Variants in C1orf21 observed in about 807,000 individuals in gnomAD.
C1orf21 encodes chromosome 1 open reading frame 21, also known as uncharacterized protein C1orf21.
Under a neutral mutation model 18.7 loss-of-function variants are expected in C1orf21, and 3 were observed. The ratio of observed to expected loss-of-function variants is 0.16; its 90% CI spans 0.07 to 0.42. The LOEUF (loss-of-function observed/expected upper bound fraction) is 0.42, where lower values mean the gene tolerates loss of function less well. Among genes scored for constraint, C1orf21 ranks in the 10% least tolerant of loss-of-function variants. C1orf21 has a pLI of 0.99. For synonymous variants in C1orf21, 41 were observed against 46.4 expected (o/e 0.88, Z 0.47); for missense variants, 104 against 143.6 (o/e 0.72, Z 1.41).
At chr1:184,601,365 CA>C (rs1399150479) in intron 5 of C1orf21, among the ~76,000 whole-genome samples, 2 of 151,956 alleles carry the variant, frequency 1.3e-5, no homozygotes, top group Non-Finnish European at 2.9e-5. Context: ...TATTGGATAC[CA>C]AAAAACAAAT....
chr1:184,397,818 G>A (rs756117411), intron 1 of C1orf21, among the ~76,000 whole-genome samples: 13 of 152,148 alleles, frequency 8.5e-5, no homozygotes, highest in African/African-American at 1.9e-4. Flanking sequence ...AAGTGTGTGC[G>A]TTAATTTGTA....
chr1:184,533,583 AT>A (rs775697685), intron 3 of C1orf21, among the ~76,000 whole-genome samples: 15 of 152,184 alleles, frequency 9.9e-5, no homozygotes, highest in East Asian at 5.8e-4. Flanking sequence ...TTCCGACATG[AT>A]TTTTTTTCAG....
intron 5 of C1orf21, among the ~76,000 whole-genome samples, chr1:184,616,510 G>A (rs980775112): frequency 1.3e-5 from 2 of 152,232 alleles, no homozygotes; most frequent in Non-Finnish European, 2.9e-5. Flanking sequence ...GCAGAGTCCT[G>A]TGTTTACAAA....
intron 5 of C1orf21, among the ~76,000 whole-genome samples, chr1:184,617,998 C>G (rs12409806): frequency 0.17 from 26,075 of 150,652 alleles, 2,513 homozygotes; most frequent in East Asian, 0.33. Flanking sequence ...CAATCTCTGC[C>G]TCCCAGGTTC....
At chr1:184,449,590 G>A (rs1317793466) in intron 1 of C1orf21, among the ~76,000 whole-genome samples, 1 of 152,074 alleles carries the variant, frequency 6.6e-6, no homozygotes, top group African/African-American at 2.4e-5. Flanking sequence ...GGGTCAAATG[G>A]TATTTCTAGT....
chr1:184,436,505 C>T (rs558710633), intron 1 of C1orf21, among the ~76,000 whole-genome samples: 30 of 151,960 alleles, frequency 2.0e-4, no homozygotes, highest in African/African-American at 7.0e-4. Flanking sequence ...GGCAGAGTGG[C>T]ATTGGAACCC....
rs918202974 is a variant in C1orf21 at position 184,623,284 on chromosome 1, C to T, written c.*3728C>T. ...AATACTGAGTTGGAATCTTAGACTT[C>T]GGGACTCTGACACGTTCTTTATGAA... On this transcript the variant is annotated 3_prime_UTR_variant, in exon 6 of 6. Transcript: ENST00000235307. 4.6e-5 allele frequency: 7 copies of T among 152,146 alleles called. No individual in the cohort carries two copies. Among genetic ancestry groups the T allele is most frequent in the Middle Eastern group, 3.2e-3 (1 of 316 alleles). 9.4% of individuals were successfully genotyped at this position (152,146 alleles called of 1,614,324 possible).
chr1:184,435,489 A>G lies in C1orf21; in HGVS notation c.-124-41897A>G, dbSNP rs549449791. ...CTCCCGAGTAGCTGGGATTACAGAC[A>G]TGCACCACCATGCCCAGCTAATTTT... On this transcript the variant is annotated intron_variant, in intron 1 of 5. Transcript: ENST00000235307. Among the ~76,000 whole-genome samples, 32 of 152,228 alleles carry G rather than the reference A, an allele frequency of 2.1e-4. No homozygotes were observed. In the South Asian group the frequency reaches 6.2e-3, roughly 30 times the overall value.
intron 2 of C1orf21, among the ~76,000 whole-genome samples, chr1:184,491,250 TAAG>T (rs909395764): frequency 7.9e-5 from 12 of 152,232 alleles, no homozygotes; most frequent in Non-Finnish European, 1.3e-4. Flanking sequence ...CTTTTTTTAA[TAAG>T]AAGAATAAAA....
chr1:184,593,932 CTG>C (rs1157030449), intron 4 of C1orf21, among the ~76,000 whole-genome samples: 2 of 152,272 alleles, frequency 1.3e-5, no homozygotes, highest in African/African-American at 2.4e-5. Context: ...CTGAAATAAT[CTG>C]TCTTTTAAAG....
At chr1:184,609,690 C>CA (rs1659699306) in intron 5 of C1orf21, among the ~76,000 whole-genome samples, 2 of 151,862 alleles carry the variant, frequency 1.3e-5, no homozygotes, top group Admixed American at 6.6e-5. Context: ...AAATCTTCCA[C>CA]AAAAAAATTC....
At chr1:184,477,324 T>C in intron 1 of C1orf21, 62 bp from the exon 2 acceptor site, 5 of 575,004 alleles carry the variant, frequency 8.7e-6, no homozygotes, top group South Asian at 8.2e-5. Flanking sequence ...CACACCAACA[T>C]AGTGAGGCTT....
intron 1 of C1orf21, among the ~76,000 whole-genome samples, chr1:184,419,195 C>T (rs1656507531): frequency 1.3e-5 from 2 of 152,172 alleles, no homozygotes; most frequent in Admixed American, 6.5e-5. Context: ...CTTTCCAAGC[C>T]TCTGTTTCCT....
rs558373181 is a variant in C1orf21 at position 184,480,732 on chromosome 1, G to A, written c.94+3129G>A. On this transcript the variant is annotated intron_variant, in intron 2 of 5. Coordinates refer to ENST00000235307, the MANE Select transcript of C1orf21 (RefSeq NM_030806.4). ...AAGAGGTACAGGCTCCTGCCTTTAA[G>A]AGCACTGTTTTGCTTTTGGGGCAGA... Among the ~76,000 whole-genome samples, 111 of 152,262 alleles carry A rather than the reference G, an allele frequency of 7.3e-4. 2 individuals are homozygous for A. The highest frequency in any genetic ancestry group is 1.4e-3 in the Admixed American group (21 of 15,288).
chr1:184,557,386 T>C (rs916624428), intron 3 of C1orf21, among the ~76,000 whole-genome samples: 1 of 152,130 alleles, frequency 6.6e-6, no homozygotes, highest in East Asian at 1.9e-4. Flanking sequence ...GTGTAGTCTT[T>C]TATTCCTCGC....
At chr1:184,430,932 T>C (rs1171534611) in intron 1 of C1orf21, among the ~76,000 whole-genome samples, 1 of 152,196 alleles carries the variant, frequency 6.6e-6, no homozygotes, top group East Asian at 1.9e-4. Flanking sequence ...GGAATGTTTT[T>C]CCATTTGTTT....
chr1:184,439,753 C>T (rs1252673903), intron 1 of C1orf21, among the ~76,000 whole-genome samples: 2 of 152,070 alleles, frequency 1.3e-5, no homozygotes, highest in African/African-American at 2.4e-5. Flanking sequence ...GAGTTCAAGA[C>T]CACCCTGGGC....
intron 1 of C1orf21, among the ~76,000 whole-genome samples, chr1:184,421,097 G>A (rs541565587): frequency 5.3e-5 from 8 of 151,894 alleles, no homozygotes; most frequent in Middle Eastern, 3.4e-3. Flanking sequence ...ATTTCTCCCC[G>A]ACCCAAGATT....
intron 1 of C1orf21, among the ~76,000 whole-genome samples, chr1:184,395,321 G>C (rs2101954286): frequency 6.6e-6 from 1 of 152,204 alleles, no homozygotes; most frequent in African/African-American, 2.4e-5. Context: ...CACAGTTTCT[G>C]TCTATGAAGA....
Sources: gnomAD v4.1 joint callset for allele counts (sites outside exome capture counted in the v4.1 genomes callset) on GRCh38, gnomAD v4.1.1 for gene constraint, MANE v1.5 for transcripts, NCBI Gene and HGNC (gene_info 2026-07-23, HGNC 2026-07-21) for gene names.